Variants in STOX2 observed in about 807,000 individuals in gnomAD.
STOX2 encodes the protein storkhead box 2, also known as storkhead-box protein 2.
STOX2 carries 28 observed loss-of-function variants against 60.9 expected under a neutral mutation model. The ratio of observed to expected loss-of-function variants is 0.46; its 90% CI spans 0.34 to 0.63. The LOEUF is 0.63. Among genes scored for constraint, STOX2 ranks in the 30% least tolerant of loss-of-function variants. The pLI is 0.01. For missense variants in STOX2, 1,024 were observed against 1,187.7 expected (o/e 0.86, Z 2.03); for synonymous variants, 472 against 463.9 (o/e 1.02, Z -0.22).
At position 184,001,177 on chromosome 4, in the gene STOX2, G is replaced by A; in HGVS notation, c.167-148G>A. 1.5e-6 allele frequency: 1 copy of A among 674,224 alleles called. No individual in the cohort carries two copies. Among genetic ancestry groups the A allele is most frequent in the Admixed American group, 2.8e-5 (1 of 35,108 alleles). The allele number at this position is 674,224 out of a possible 1,614,324, so 41.8% of individuals were successfully genotyped here. On this transcript the variant is annotated intron_variant, in intron 1 of 3. Coordinates refer to ENST00000308497, the MANE Select transcript of STOX2 (RefSeq NM_020225.3). The surrounding 1 kb of genome is among the most constrained non-coding windows in gnomAD (Gnocchi z 4.2). Reference sequence around the variant, plus strand: ...CTGAGTGGAATTGGCTGTGGCTTCTGTGTTCAGAGTGGAATTGGCAAGCAG... The same window carrying A: ...CTGAGTGGAATTGGCTGTGGCTTCTATGTTCAGAGTGGAATTGGCAAGCAG...
intron 1 of STOX2, among the ~76,000 whole-genome samples, chr4:183,814,754 A>C (rs551991140): frequency 6.6e-6 from 1 of 152,328 alleles, no homozygotes; most frequent in South Asian, 2.1e-4. Context: ...CCCTCTGCAC[A>C]TTCCGTTTGT....
chr4:183,968,862 T>G (rs1229433166), intron 1 of STOX2, among the ~76,000 whole-genome samples: 1 of 152,220 alleles, frequency 6.6e-6, no homozygotes, highest in Non-Finnish European at 1.5e-5. Context: ...TTAAAGACTT[T>G]CAATGATTAA....
intron 1 of STOX2, among the ~76,000 whole-genome samples, chr4:183,966,004 G>A (rs1333162430): frequency 2.0e-5 from 3 of 151,218 alleles, no homozygotes; most frequent in African/African-American, 7.3e-5. Context: ...TGGACATGTT[G>A]AGTTTGAGGC....
chr4:183,885,800 A>C (rs1448208158), intron 1 of STOX2, among the ~76,000 whole-genome samples: 1 of 152,248 alleles, frequency 6.6e-6, no homozygotes, highest in Non-Finnish European at 1.5e-5. Context: ...CCAATAGCCA[A>C]ATTCCCAAAA....
Position 183,919,181 on chromosome 4 carries a change from C to G in STOX2, c.166+12225C>G, listed in dbSNP as rs756108621. On this transcript the variant is annotated intron_variant, in intron 1 of 3. Coordinates refer to ENST00000308497, the MANE Select transcript of STOX2 (RefSeq NM_020225.3). ...AGATCTTGTTTTTCCATATGGTGTACGCTGCTTGATGTGGGTGATTTAAAC... is the reference window on the plus strand; with the variant it reads ...AGATCTTGTTTTTCCATATGGTGTAGGCTGCTTGATGTGGGTGATTTAAAC... Among the ~76,000 whole-genome samples, 7 of 152,226 alleles carry G rather than the reference C, an allele frequency of 4.6e-5. No individual in the cohort carries two copies. In the East Asian group the frequency reaches 9.7e-4, roughly 21 times the overall value.
rs367899126 is a variant in STOX2 at position 183,863,051 on chromosome 4, C to G, written c.364+64996C>G. Among the ~76,000 whole-genome samples the G allele has an allele frequency of 2.7e-4, 41 of 152,286 alleles. No homozygotes were observed. In the East Asian group the frequency reaches 5.0e-3, roughly 19 times the overall value. ...TCATCGTAGTTCAGGATCTTCCGAC[C>G]TAAGAAACAAGCCAACTCCTGCAGG... On this transcript the variant is annotated intron_variant, in intron 1 of 2. Coordinates refer to the STOX2 transcript ENST00000513034.
chr4:184,002,793 G>A (rs541294060), intron 2 of STOX2, among the ~76,000 whole-genome samples: 6 of 152,296 alleles, frequency 3.9e-5, no homozygotes, highest in African/African-American at 1.4e-4. Flanking sequence ...GCTAAGGAGA[G>A]ATCTTATCTA....
chr4:183,858,795 G>A (rs372302476), intron 1 of STOX2, among the ~76,000 whole-genome samples: 5 of 152,006 alleles, frequency 3.3e-5, no homozygotes, highest in African/African-American at 7.3e-5. Flanking sequence ...TTTTGTAGTC[G>A]ACTTCTTTAT....
intron 1 of STOX2, among the ~76,000 whole-genome samples, chr4:183,931,887 A>T (rs1034637762): frequency 3.3e-5 from 5 of 152,222 alleles, no homozygotes; most frequent in Admixed American, 6.5e-5. Context: ...AGAGTGTTTA[A>T]TCTAGAGAGC....
Position 183,971,451 on chromosome 4 carries a change from A to C in STOX2, c.167-29874A>C, listed in dbSNP as rs181295775. Among the ~76,000 whole-genome samples the C allele has an allele frequency of 2.5e-4, 38 of 152,354 alleles. No individual in the cohort carries two copies. The East Asian group carries it at 6.2e-3, about 25-fold the overall frequency. On this transcript the variant is annotated intron_variant, in intron 1 of 3. Coordinates refer to ENST00000308497, the MANE Select transcript of STOX2 (RefSeq NM_020225.3). ...CCACCTAACACTGATGACAAAGCTC[A>C]TTAGTACCTCTGGCCAGAGGGTGGA...
At chr4:183,830,169 C>T (rs574823887) in intron 1 of STOX2, among the ~76,000 whole-genome samples, 1 of 152,164 alleles carries the variant, frequency 6.6e-6, no homozygotes, top group African/African-American at 2.4e-5. Flanking sequence ...CACATCCCCC[C>T]CAACAAGGTA....
At chr4:183,987,603 C>A (rs2111196442) in intron 1 of STOX2, 1 of 152,310 alleles carries the variant, frequency 6.6e-6, no homozygotes, top group Middle Eastern at 3.4e-3. Context: ...GAGGCTCCTG[C>A]TGAGAGCGAG....
In STOX2 at chr4:183,870,045, C is replaced by T. The variant is rs149414115; in HGVS notation, c.364+71990C>T. On this transcript the variant is annotated intron_variant, in intron 1 of 2. Coordinates refer to the STOX2 transcript ENST00000513034. ...TGGGATGTCTCAGAACTCATACTTC[C>T]GTGGGCAAAAAAATCGTTGTAAGTA... Among the ~76,000 whole-genome samples, 911 of 152,156 alleles carry T rather than the reference C, an allele frequency of 6.0e-3. 10 individuals are homozygous for T. Among genetic ancestry groups the T allele is most frequent in the African/African-American group, 0.021 (863 of 41,500 alleles).
chr4:183,966,353 T>C (rs928901639), intron 1 of STOX2, among the ~76,000 whole-genome samples: 4 of 152,200 alleles, frequency 2.6e-5, no homozygotes, highest in African/African-American at 9.7e-5. Context: ...GCATTTGGTT[T>C]TAATAATTTA....
Position 183,806,491 on chromosome 4 carries a change from T to C in STOX2, c.364+8436T>C, listed in dbSNP as rs376457489. On this transcript the variant is annotated intron_variant, in intron 1 of 2. Transcript: ENST00000513034. The surrounding 1 kb of genome is among the most constrained non-coding windows in gnomAD (Gnocchi z 4.1). The stretch of plus-strand genomic sequence containing the variant: ...CGCCCCATCTTCCTGCCGCCTGAGG[T>C]TGCTGCAGCCTTCTGTCTTCACTGT... Among the ~76,000 whole-genome samples the C allele has an allele frequency of 6.6e-6, 1 of 152,110 alleles. No individual in the cohort carries two copies. The highest frequency in any genetic ancestry group is 2.1e-4 in the South Asian group (1 of 4,816).
At chr4:183,804,050 G>A (rs1738828694) in intron 1 of STOX2, among the ~76,000 whole-genome samples, 1 of 152,120 alleles carries the variant, frequency 6.6e-6, no homozygotes, top group Non-Finnish European at 1.5e-5. Context: ...ATAGAATAGA[G>A]AGCGCTGGGG....
chr4:184,022,660 A>G lies in STOX2; in HGVS notation c.*5376A>G, dbSNP rs991976370. ...TTAGTAAACTTGTTCCCTTGCTCCC[A>G]CCAAGAAGAGGTACCAAATGTGAGA... is the stretch of plus-strand genomic sequence containing the variant. On this transcript the variant is annotated 3_prime_UTR_variant, in exon 4 of 4. Transcript: ENST00000308497. 2 of 152,032 alleles carry G rather than the reference A, an allele frequency of 1.3e-5. No individual in the cohort carries two copies. Among genetic ancestry groups the G allele is most frequent in the African/African-American group, 4.8e-5 (2 of 41,374 alleles). The allele number at this position is 152,032 out of a possible 1,614,324, so 9.4% of individuals were successfully genotyped here.
chr4:183,978,680 A>G (rs1481605435), intron 1 of STOX2, among the ~76,000 whole-genome samples: 1 of 152,232 alleles, frequency 6.6e-6, no homozygotes, highest in Non-Finnish European at 1.5e-5. Context: ...TTTTAACATT[A>G]GGCTCAGTGG....
At chr4:183,921,541 C>T (rs1742099307) in intron 1 of STOX2, among the ~76,000 whole-genome samples, 1 of 152,116 alleles carries the variant, frequency 6.6e-6, no homozygotes, top group Non-Finnish European at 1.5e-5. Context: ...AGGATGGGTT[C>T]AGTAACCCAT....
Sources: gnomAD v4.1 joint callset for allele counts (sites outside exome capture counted in the v4.1 genomes callset) on GRCh38, gnomAD v4.1.1 for gene constraint, Gnocchi (gnomAD v3.1) non-coding constraint, MANE v1.5 for transcripts, NCBI Gene and HGNC (gene_info 2026-07-23, HGNC 2026-07-21) for gene names.